NME7: variants seen among roughly 807,000 people sequenced by gnomAD.
The protein encoded by NME7 is NME/NM23 family member 7, also known as nucleoside diphosphate kinase 7.
A neutral mutation model predicts 49.1 loss-of-function variants in NME7; 41 were observed. The ratio of observed to expected loss-of-function variants is 0.83; its 90% CI spans 0.65 to 1.08. NME7 has a LOEUF of 1.08. Ranked by LOEUF, NME7 falls within the 50% of genes least tolerant of loss-of-function variation. The pLI is 0.00. For missense variants in NME7, 423 were observed against 463.4 expected, an observed-to-expected ratio of 0.91 and a Z score of 0.80; for synonymous variants, 139 against 150.6, an observed-to-expected ratio of 0.92 and a Z score of 0.56.
At chr1:169,153,749 G>A (rs534344962) in intron 11 of NME7, among the ~76,000 whole-genome samples, 1 of 152,046 alleles carries the variant, frequency 6.6e-6, no homozygotes, top group Admixed American at 6.5e-5. Context: ...CCAAGCTGGA[G>A]TACAGTGATG....
chr1:169,282,265 G>C (rs772702799), intron 7 of NME7, among the ~76,000 whole-genome samples: 7 of 152,250 alleles, frequency 4.6e-5, no homozygotes, highest in Non-Finnish European at 7.4e-5. Flanking sequence ...TCTGACGGTA[G>C]TTTGTGTTTC....
intron 7 of NME7, among the ~76,000 whole-genome samples, chr1:169,249,878 G>C (rs936261661): frequency 9.9e-5 from 15 of 151,960 alleles, no homozygotes; most frequent in African/African-American, 3.4e-4. Context: ...GAATTAGCTA[G>C]TATTTTGTTG....
intron 10 of NME7, among the ~76,000 whole-genome samples, chr1:169,216,889 T>C (rs75134881): frequency 0.048 from 7,255 of 152,340 alleles, 229 homozygotes; most frequent in East Asian, 0.12. Flanking sequence ...ACTGTTGTGA[T>C]ATAAAAGCAG....
At chr1:169,312,190 G>A (rs1202587825) in intron 3 of NME7, among the ~76,000 whole-genome samples, 1 of 152,186 alleles carries the variant, frequency 6.6e-6, no homozygotes, top group East Asian at 1.9e-4. Flanking sequence ...GCCAGCTGGG[G>A]GCTGTGCTCA....
intron 1 of NME7, among the ~76,000 whole-genome samples, chr1:169,340,819 T>C (rs999516722): frequency 2.0e-5 from 3 of 152,142 alleles, no homozygotes; most frequent in African/African-American, 7.2e-5. Flanking sequence ...CAAAAGATGA[T>C]TTAGGGTATC....
At chr1:169,235,830 A>AGT (rs925953766) in intron 8 of NME7, among the ~76,000 whole-genome samples, 100 of 152,258 alleles carry the variant, frequency 6.6e-4, no homozygotes, top group African/African-American at 2.3e-3. Context: ...GAACTGTAAA[A>AGT]GTGTGCTTAC....
intron 6 of NME7, among the ~76,000 whole-genome samples, chr1:169,288,963 C>T (rs12065030): frequency 0.073 from 11,104 of 152,038 alleles, 530 homozygotes; most frequent in African/African-American, 0.13. Context: ...CATGCTCTTT[C>T]GAGAGTTCCC....
chr1:169,198,003 C>T (rs891645147), intron 10 of NME7, among the ~76,000 whole-genome samples: 6 of 151,932 alleles, frequency 3.9e-5, no homozygotes, highest in Non-Finnish European at 7.4e-5. Context: ...ATAACTCTTA[C>T]AAGTCAATAA....
intron 1 of NME7, among the ~76,000 whole-genome samples, chr1:169,334,161 A>T (rs1652370946): frequency 6.8e-6 from 1 of 147,094 alleles, no homozygotes; most frequent in Non-Finnish European, 1.5e-5. Flanking sequence ...GTAACTAGTC[A>T]ATCTATTTCA....
intron 1 of NME7, among the ~76,000 whole-genome samples, chr1:169,337,913 G>T (rs1191176426): frequency 6.6e-6 from 1 of 152,086 alleles, no homozygotes; most frequent in African/African-American, 2.4e-5. Flanking sequence ...ACTTTAGTGT[G>T]ACCATAACCA....
At chr1:169,291,508 G>A (rs970918918) in intron 6 of NME7, among the ~76,000 whole-genome samples, 9 of 152,158 alleles carry the variant, frequency 5.9e-5, no homozygotes, top group African/African-American at 1.7e-4. Context: ...GTTGCGGGGT[G>A]GGGGGCTAGG....
intron 10 of NME7, among the ~76,000 whole-genome samples, chr1:169,222,857 A>T (rs543185951): frequency 6.6e-6 from 1 of 152,216 alleles, no homozygotes; most frequent in Non-Finnish European, 1.5e-5. Flanking sequence ...GAATCGTTCA[A>T]AAATAAGTTG....
At chr1:169,358,798 C>A (rs1653551268) in intron 1 of NME7, among the ~76,000 whole-genome samples, 1 of 151,950 alleles carries the variant, frequency 6.6e-6, no homozygotes, top group Non-Finnish European at 1.5e-5. Flanking sequence ...AAACAGGCAC[C>A]ATGGTATACT....
At chr1:169,330,908 A>G (rs1652229166) in intron 1 of NME7, among the ~76,000 whole-genome samples, 1 of 152,098 alleles carries the variant, frequency 6.6e-6, no homozygotes, top group Admixed American at 6.5e-5. Context: ...CCAGTAAAGA[A>G]AAGTCCAAAA....
intron 10 of NME7, among the ~76,000 whole-genome samples, chr1:169,207,894 A>G (rs2101788474): frequency 6.6e-6 from 1 of 152,264 alleles, no homozygotes; most frequent in Non-Finnish European, 1.5e-5. Flanking sequence ...CTCTTCCCTA[A>G]AAAGTAAAAG....
intron 10 of NME7, among the ~76,000 whole-genome samples, chr1:169,210,833 G>A (rs1465937195): frequency 1.3e-5 from 2 of 152,032 alleles, no homozygotes; most frequent in African/African-American, 2.4e-5. Context: ...TGCCCCAGTC[G>A]TTCTCTCCCG....
chr1:169,316,603 A>G (rs908088541), intron 3 of NME7, among the ~76,000 whole-genome samples: 3 of 152,176 alleles, frequency 2.0e-5, no homozygotes, highest in Non-Finnish European at 2.9e-5. Context: ...ATCTCATCAC[A>G]TGAGTCCCTA....
intron 7 of NME7, among the ~76,000 whole-genome samples, chr1:169,259,089 T>TGAATACATTTTACATTGTAAAATATA (rs1649078762): frequency 7.5e-6 from 1 of 133,992 alleles, no homozygotes; most frequent in African/African-American, 2.5e-5. Context: ...TGTAAAATAT[T>TGAATACATTTTACATTGTAAAATATA]GAATACATTT....
At chr1:169,301,131 G>A (rs1202989913) in intron 5 of NME7, among the ~76,000 whole-genome samples, 1 of 152,078 alleles carries the variant, frequency 6.6e-6, no homozygotes, top group South Asian at 2.1e-4. Flanking sequence ...TAGCAACAGA[G>A]TAAAAAGACA....
Sources: gnomAD v4.1 joint callset for allele counts (sites outside exome capture counted in the v4.1 genomes callset) on GRCh38, gnomAD v4.1.1 for gene constraint, MANE v1.5 for transcripts, NCBI Gene and HGNC (gene_info 2026-07-23, HGNC 2026-07-21) for gene names.